Variants in TLE3 observed in about 807,000 individuals in gnomAD.
The protein encoded by TLE3 is transducin-like enhancer protein 3.
In TLE3, 14 loss-of-function variants were observed where a neutral mutation model predicts 93.0. That is an observed-to-expected ratio of 0.15 (90% CI 0.10 to 0.24). The LOEUF is 0.24. Among genes scored for constraint, TLE3 ranks in the 10% least tolerant of loss-of-function variants. The probability of loss-of-function intolerance (pLI) is 1.00; values close to 1 mark genes in which losing one functional copy is unlikely to be tolerated. For synonymous variants in TLE3, 451 were observed against 425.0 expected (o/e 1.06, Z -0.75); for missense variants, 693 against 1,046.6 (o/e 0.66, Z 4.66).
chr15:70,062,520 G>A (rs376312760), intron 8 of TLE3, among the ~76,000 whole-genome samples: 13 of 152,320 alleles, frequency 8.5e-5, no homozygotes, highest in African/African-American at 2.4e-4. Flanking sequence ...GGCATTTAGC[G>A]GCATCGATCC....
intron 14 of TLE3, chr15:70,056,071 C>G (rs186464691): frequency 9.4e-5 from 57 of 608,822 alleles, no homozygotes; most frequent in African/African-American, 8.8e-4. Flanking sequence ...CTCCATGGCT[C>G]CTCTGTCGGA....
At position 70,097,445 on chromosome 15, in the gene TLE3, A is replaced by ACTGCCG. The variant is rs1434992274; in HGVS notation, c.-653_-648dup. 9 of 417,812 alleles carry ACTGCCG rather than the reference A, an allele frequency of 2.2e-5. No individual in the cohort carries two copies. Among genetic ancestry groups the ACTGCCG allele is most frequent in the African/African-American group, 6.2e-5 (3 of 48,758 alleles). The allele number at this position is 417,812 out of a possible 1,614,324, so 25.9% of individuals were successfully genotyped here. A position where few individuals can be genotyped will look rare whatever the true frequency, so the allele number is the denominator to read the frequency against. ...AGGAGAGCCTGCTGTTCCGTCTGCT[A>ACTGCCG]CTGCCGCTGCCGCCGCCGCCGCCGC... On this transcript the variant is annotated 5_prime_UTR_variant, in exon 1 of 20. Coordinates refer to ENST00000451782, the MANE Select transcript of TLE3 (RefSeq NM_001105192.3).
At chr15:70,093,668 A>C (rs1183428970) in intron 4 of TLE3, among the ~76,000 whole-genome samples, 1 of 152,226 alleles carries the variant, frequency 6.6e-6, no homozygotes, top group Non-Finnish European at 1.5e-5. Context: ...GGCCTCTCCC[A>C]CAGCCCAGCC....
chr15:70,059,371 C>G (rs745943587), intron 10 of TLE3, 39 bp downstream of exon 10: 1 of 1,590,796 alleles, frequency 6.3e-7, no homozygotes, highest in African/African-American at 1.3e-5. Context: ...CCAAACCATG[C>G]CAAACCAAGA....
At chr15:70,070,805 C>T (rs754854672) in intron 6 of TLE3, among the ~76,000 whole-genome samples, 34 of 152,202 alleles carry the variant, frequency 2.2e-4, no homozygotes, top group Non-Finnish European at 4.4e-4. Context: ...CCTTTCCCCT[C>T]ACACAAAATT....
At chr15:70,095,380 C>CCTCA (rs1256787478) in intron 3 of TLE3, 198 bp downstream of exon 3, 1 of 1,451,574 alleles carries the variant, frequency 6.9e-7, no homozygotes, top group African/African-American at 1.4e-5. Flanking sequence ...CTGCCCCTCC[C>CCTCA]CTCACTCACC....
At chr15:70,072,592 CCCTGGGCTGCGAGTCAGCCA>C (rs2057240955) in intron 6 of TLE3, among the ~76,000 whole-genome samples, 1 of 152,228 alleles carries the variant, frequency 6.6e-6, no homozygotes, top group Non-Finnish European at 1.5e-5. Context: ...AGGGGAAGAG[CCCTGGGCTGCGAGTCAGCCA>C]CCTGGGCCTC....
Position 70,064,613 on chromosome 15 carries a change from G to C in TLE3, c.578-143C>G, listed in dbSNP as rs1469008469. ...TGGTTTTAAAATGAGCAGAAGGCCT[G>C]GATTGCTGTCTCCGTGGATCAGCCA... On this transcript the variant is annotated intron_variant, in intron 7 of 19. Transcript: ENST00000451782. The C allele has an allele frequency of 5.1e-6, 6 of 1,172,790 alleles. No homozygotes were observed. In the African/African-American group the frequency reaches 7.7e-5, roughly 15 times the overall value. The allele number at this position is 1,172,790 out of a possible 1,614,324, so 72.6% of individuals were successfully genotyped here.
At chr15:70,094,154 G>GA (rs367780904) in intron 4 of TLE3, among the ~76,000 whole-genome samples, 46 of 147,602 alleles carry the variant, frequency 3.1e-4, no homozygotes, top group South Asian at 4.4e-4. Flanking sequence ...AAAGGAGAAA[G>GA]AAAAAAAAAA....
At chr15:70,053,600 GA>G (rs1300175994) in intron 16 of TLE3, 12 of 408,716 alleles carry the variant, frequency 2.9e-5, no homozygotes, top group African/African-American at 8.2e-5. Context: ...AGTCCCCTGG[GA>G]AATGGGGGGG....
Position 70,095,615 on chromosome 15 carries a change from G to A in TLE3, c.152C>T (p.Ala51Val). The A allele has an allele frequency of 3.9e-6, 6 of 1,551,582 alleles. No homozygotes were observed. Among genetic ancestry groups the A allele is most frequent in the Non-Finnish European group, 5.2e-6 (6 of 1,146,908 alleles). Residue 51 changes from alanine (A) to valine (V), a missense_variant, in exon 3 of 20, where the codon GCA becomes GTA. Physicochemically the swap from Ala to Val is moderately conservative, Grantham distance 64 (BLOSUM62 0). This residue lies in a region of TLE3 where 104 missense variants were observed against 173.8 expected (regional missense o/e 0.60). Transcript: ENST00000451782. ...GCGCTGCATCTCCGTCTTCTCGTTTGCCAGCTTGTCGTACTCCACTTTGAG... is the reference window on the plus strand; with the variant it reads ...GCGCTGCATCTCCGTCTTCTCGTTTACCAGCTTGTCGTACTCCACTTTGAG... Reference protein sequence around the residue: ...HSLKVEYDKLANEKTEMQRHY... With the variant: ...HSLKVEYDKLVNEKTEMQRHY...
chr15:70,060,576 T>C lies in TLE3; in HGVS notation c.668A>G (p.Glu223Gly). Residue 223 changes from glutamate (E) to glycine (G), a missense_variant, in exon 9 of 20, where the codon GAA becomes GGA. By Grantham distance (98) the Glu-to-Gly change is moderately conservative. Coordinates refer to ENST00000451782, the MANE Select transcript of TLE3 (RefSeq NM_001105192.3). ...KHRGSADYSM[E>G]AKKRKAEEKD... ...CTCCTCCGCCTTCCGCTTCTTGGCT[T>C]CCATGCTGTAGTCCGCAGAGCCCCG... 1 of 1,614,010 alleles carries C rather than the reference T, an allele frequency of 6.2e-7. No individual in the cohort carries two copies. The highest frequency in any genetic ancestry group is 8.5e-7 in the Non-Finnish European group (1 of 1,179,876).
chr15:70,057,693 G>C (rs1364918958), intron 12 of TLE3, 35 bp from the exon 13 acceptor site: 4 of 1,541,890 alleles, frequency 2.6e-6, no homozygotes, highest in Non-Finnish European at 3.5e-6. Context: ...GTGGGCCTTA[G>C]GTGGATTGGG....
At chr15:70,089,745 G>A (rs2058219918) in intron 4 of TLE3, among the ~76,000 whole-genome samples, 1 of 152,178 alleles carries the variant, frequency 6.6e-6, no homozygotes, top group Non-Finnish European at 1.5e-5. Flanking sequence ...TGCCCCTGGT[G>A]TCCCAGTATT....
At position 70,057,707 on chromosome 15, in the gene TLE3, T is replaced by C. The variant is rs1268040746; in HGVS notation, c.1052-49A>G. The stretch of plus-strand genomic sequence containing the variant: ...GGTGGGCCTTAGGTGGATTGGGACA[T>C]GGCCATGGCCGCCTCACCCAGCAAT... On this transcript the variant is annotated intron_variant, in intron 12 of 19. Transcript: ENST00000451782. 6 of 1,533,708 alleles carry C rather than the reference T, an allele frequency of 3.9e-6. No homozygotes were observed. In the East Asian group the frequency reaches 7.3e-5, roughly 19 times the overall value.
At chr15:70,090,027 G>A (rs558425136) in intron 4 of TLE3, among the ~76,000 whole-genome samples, 39 of 152,274 alleles carry the variant, frequency 2.6e-4, no homozygotes, top group African/African-American at 8.9e-4. Context: ...TCATTTCAAT[G>A]ACAAATGCAC....
intron 4 of TLE3, among the ~76,000 whole-genome samples, chr15:70,083,215 G>C (rs2057872347): frequency 6.6e-6 from 1 of 152,182 alleles, no homozygotes; most frequent in Admixed American, 6.5e-5. Flanking sequence ...CTTGGAGGCA[G>C]ACACCACAGG....
At position 70,050,216 on chromosome 15, in the gene TLE3, A is replaced by C; in HGVS notation, c.2203-12T>G. 1.2e-6 allele frequency: 2 copies of C among 1,607,790 alleles called. No individual in the cohort carries two copies. On this transcript the variant is annotated splice_polypyrimidine_tract_variant and intron_variant, in intron 19 of 19. Coordinates refer to ENST00000451782, the MANE Select transcript of TLE3 (RefSeq NM_001105192.3). ...GAGGATTCTTTAGACTGGAGGAGGAAGACGAGGAGAAGCAGCAGGAAGGCG... is the reference window on the plus strand; with the variant it reads ...GAGGATTCTTTAGACTGGAGGAGGACGACGAGGAGAAGCAGCAGGAAGGCG...
intron 19 of TLE3, 94 bp downstream of exon 19, chr15:70,051,296 TC>T (rs2055516325): frequency 1.6e-6 from 2 of 1,280,984 alleles, no homozygotes; most frequent in Admixed American, 4.5e-5. Flanking sequence ...TCCAGGCTCC[TC>T]CTGTTCTTCC....
Sources: gnomAD v4.1 joint callset for allele counts (sites outside exome capture counted in the v4.1 genomes callset) on GRCh38, gnomAD v4.1.1 for gene constraint, gnomAD v4.1.1 regional missense constraint, MANE v1.5 for transcripts, NCBI Gene and HGNC (gene_info 2026-07-23, HGNC 2026-07-21) for gene names.